Variants in RERE observed in about 807,000 individuals in gnomAD.
The protein encoded by RERE is arginine-glutamic acid dipeptide repeats, also known as arginine-glutamic acid dipeptide repeats protein.
RERE carries 40 observed loss-of-function variants against 146.1 expected under a neutral mutation model. The ratio of observed to expected loss-of-function variants is 0.27; its 90% confidence interval spans 0.21 to 0.36. The LOEUF is 0.36. RERE is among the 10% of genes least tolerant of loss of function. The probability of loss-of-function intolerance (pLI) is 1.00; values close to 1 mark genes in which losing one functional copy is unlikely to be tolerated. For missense variants in RERE, 1,933 were observed against 2,138.7 expected (o/e 0.90, Z 1.90); for synonymous variants, 1,003 against 866.0 (o/e 1.16, Z -2.78).
At chr1:8,479,086 TTTAAATAAGTCA>T (rs1429411879) in intron 10 of RERE, among the ~76,000 whole-genome samples, 12 of 152,078 alleles carry the variant, frequency 7.9e-5, no homozygotes, top group African/African-American at 2.9e-4. Flanking sequence ...AACTCCACAC[TTTAAATAAGTCA>T]TAACAGCTGG....
In RERE at chr1:8,712,809, A is replaced by T. The variant is rs985126737; in HGVS notation, c.-144-56368T>A. Reference sequence around the variant, plus strand: ...TTTAATGAAAAACAAAATAAAAAAAAAACACAGGATGTAACCACAGCTATA... The same window carrying T: ...TTTAATGAAAAACAAAATAAAAAAATAACACAGGATGTAACCACAGCTATA... On this transcript the variant is annotated intron_variant, in intron 1 of 22. Coordinates refer to ENST00000400908, the MANE Select transcript of RERE (RefSeq NM_001042681.2). 9.2e-5 allele frequency among the ~76,000 whole-genome samples: 14 copies of T among 152,322 alleles called. 1 individual carries two copies. In the South Asian group the frequency reaches 2.9e-3, roughly 32 times the overall value.
chr1:8,751,823 C>T (rs1291449376), intron 1 of RERE, among the ~76,000 whole-genome samples: 1 of 149,692 alleles, frequency 6.7e-6, no homozygotes, highest in Non-Finnish European at 1.5e-5. Context: ...GTTATATATG[C>T]AAGGCACCAA....
At chr1:8,555,701 G>C (rs555061264) in intron 6 of RERE, among the ~76,000 whole-genome samples, 1 of 152,180 alleles carries the variant, frequency 6.6e-6, no homozygotes, top group South Asian at 2.1e-4. Context: ...CACTTAAAAG[G>C]CACAAAGTCA....
chr1:8,569,640 C>T (rs1247922569), intron 4 of RERE, among the ~76,000 whole-genome samples: 1 of 152,146 alleles, frequency 6.6e-6, no homozygotes, highest in Non-Finnish European at 1.5e-5. Context: ...ATCTGTAATT[C>T]CAGCACTTTG....
At chr1:8,495,219 T>G in intron 9 of RERE, 57 bp from the exon 10 acceptor site, 2 of 1,279,740 alleles carry the variant, frequency 1.6e-6, no homozygotes, top group Admixed American at 3.4e-5. Context: ...GACAGAGACT[T>G]AGACCTTCAA....
At chr1:8,525,765 G>A in intron 7 of RERE, 5 of 1,599,062 alleles carry the variant, frequency 3.1e-6, no homozygotes, top group Non-Finnish European at 4.3e-6. Flanking sequence ...CTACCTGCAG[G>A]GGCTGAATGG....
At chr1:8,600,898 G>A (rs1360957893) in intron 4 of RERE, among the ~76,000 whole-genome samples, 4 of 151,508 alleles carry the variant, frequency 2.6e-5, no homozygotes, top group Non-Finnish European at 5.9e-5. Flanking sequence ...GGGACTACAG[G>A]TGCCCGCCAC....
intron 4 of RERE, among the ~76,000 whole-genome samples, chr1:8,561,916 C>T (rs758475554): frequency 3.9e-5 from 6 of 152,168 alleles, no homozygotes; most frequent in Non-Finnish European, 7.3e-5. Context: ...AGAGATCATG[C>T]GATTCAAGCA....
chr1:8,358,542 G>C lies in RERE; in HGVS notation c.3993C>G (p.Pro1331=). 6.2e-7 allele frequency: 1 copy of C among 1,603,262 alleles called. No homozygotes were observed. Among genetic ancestry groups the C allele is most frequent in the South Asian group, 1.1e-5 (1 of 89,156 alleles). ...ERMKPGFEVK[P]PELDPLHPAA... is the part of the protein sequence containing the mutation. ...CTGGGTGCAGGGGGTCCAGCTCTGG[G>C]GGCTTCACCTCGAAGCCCGGCTTCA... Residue 1331 remains proline, a synonymous_variant, in exon 20 of 23, where the codon CCC becomes CCG. Transcript: ENST00000400908.
At chr1:8,777,824 C>T (rs1180177630) in intron 1 of RERE, among the ~76,000 whole-genome samples, 1 of 150,938 alleles carries the variant, frequency 6.6e-6, no homozygotes, top group Non-Finnish European at 1.5e-5. Context: ...CATGAGCCAC[C>T]GTGCCCGGCC....
At position 8,355,357 on chromosome 1, in the gene RERE, CG is replaced by C. The variant is rs1641247728; in HGVS notation, c.4667+61del. The C allele has an allele frequency of 5.8e-6, 9 of 1,559,954 alleles. No homozygotes were observed. The South Asian group carries it at 6.9e-5, about 12-fold the overall frequency. On this transcript the variant is annotated intron_variant, in intron 22 of 22. Coordinates refer to ENST00000400908, the MANE Select transcript of RERE (RefSeq NM_001042681.2). The stretch of plus-strand genomic sequence containing the variant: ...GGGGAGGAGCCTGGCCCTGGGCACA[CG>C]GGGAGGTTGGGAGCCTGGGCTCAGA...
chr1:8,532,134 C>T (rs1210186958), intron 7 of RERE, among the ~76,000 whole-genome samples: 1 of 152,192 alleles, frequency 6.6e-6, no homozygotes, highest in South Asian at 2.1e-4. Flanking sequence ...GCAACATATG[C>T]TAACAGATAA....
At chr1:8,566,449 G>GT (rs1267925688) in intron 4 of RERE, among the ~76,000 whole-genome samples, 4 of 151,820 alleles carry the variant, frequency 2.6e-5, no homozygotes, top group Non-Finnish European at 5.9e-5. Context: ...ATGAAACCCC[G>GT]TCTCTACTAA....
At chr1:8,393,274 A>G (rs1055530318) in intron 12 of RERE, among the ~76,000 whole-genome samples, 1 of 152,236 alleles carries the variant, frequency 6.6e-6, no homozygotes, top group African/African-American at 2.4e-5. Flanking sequence ...ATCCAAATAC[A>G]ACAGTTCTTA....
chr1:8,543,054 T>C (rs550188084), intron 6 of RERE, among the ~76,000 whole-genome samples: 7 of 152,298 alleles, frequency 4.6e-5, no homozygotes, highest in South Asian at 2.1e-4. Flanking sequence ...CTAGCTACCA[T>C]AGTGAACAAC....
In RERE at chr1:8,414,462, A is replaced by T. The variant is rs190679061; in HGVS notation, c.1284+8265T>A. 5.0e-3 allele frequency among the ~76,000 whole-genome samples: 756 copies of T among 152,164 alleles called. 9 individuals are homozygous for T. Among genetic ancestry groups the T allele is most frequent in the African/African-American group, 0.017 (722 of 41,510 alleles). On this transcript the variant is annotated intron_variant, in intron 12 of 22. Transcript: ENST00000400908. ...TCCTAGCTACTTGGGAGGCTGAGGC[A>T]GGAGAATCACTTGAACCCGGGAGGT...
chr1:8,605,838 T>A (rs1305797063), intron 4 of RERE, among the ~76,000 whole-genome samples: 8 of 94,838 alleles, frequency 8.4e-5, no homozygotes, highest in East Asian at 3.5e-4. Flanking sequence ...AAGTGTTAAA[T>A]ACCAAACTTT....
chr1:8,482,231 T>C (rs1353502815), intron 10 of RERE, among the ~76,000 whole-genome samples: 2 of 152,180 alleles, frequency 1.3e-5, no homozygotes, highest in Non-Finnish European at 2.9e-5. Flanking sequence ...AAAGTGGCCT[T>C]TTATCTCCCC....
intron 10 of RERE, among the ~76,000 whole-genome samples, chr1:8,475,983 T>C (rs897609521): frequency 6.6e-6 from 1 of 152,204 alleles, no homozygotes; most frequent in Non-Finnish European, 1.5e-5. Context: ...AGGGTAGGGC[T>C]TGAGAGAAAG....
Sources: gnomAD v4.1 joint callset for allele counts (sites outside exome capture counted in the v4.1 genomes callset) on GRCh38, gnomAD v4.1.1 for gene constraint, MANE v1.5 for transcripts, NCBI Gene and HGNC (gene_info 2026-07-23, HGNC 2026-07-21) for gene names.